The following KITLG variants were observed in gnomAD, a reference collection of about 807,000 sequenced individuals.
The protein encoded by KITLG is KIT ligand.
A neutral mutation model predicts 34.1 loss-of-function variants in KITLG; 13 were observed. The observed-to-expected ratio is 0.38, with a 90% confidence interval of 0.25 to 0.61. The LOEUF (loss-of-function observed/expected upper bound fraction) is 0.61. KITLG is among the 20% of genes least tolerant of loss of function. The pLI is 0.60. For missense variants in KITLG, 292 were observed against 318.9 expected (o/e 0.92, Z 0.64); for synonymous variants, 110 against 104.0 (o/e 1.06, Z -0.35).
chr12:88,524,931 G>A (rs1353823017), intron 3 of KITLG, among the ~76,000 whole-genome samples: 2 of 152,198 alleles, frequency 1.3e-5, no homozygotes, highest in Non-Finnish European at 1.5e-5. Flanking sequence ...CATAGGAGTG[G>A]AGCCTCAGAA....
At chr12:88,534,192 C>T (rs1417019420) in intron 2 of KITLG, among the ~76,000 whole-genome samples, 1 of 152,088 alleles carries the variant, frequency 6.6e-6, no homozygotes, top group African/African-American at 2.4e-5. Flanking sequence ...ACAGCCATCA[C>T]ATGTTAAGTC....
At chr12:88,579,017 T>A (rs968062157) in intron 1 of KITLG, among the ~76,000 whole-genome samples, 1 of 152,166 alleles carries the variant, frequency 6.6e-6, no homozygotes, top group Non-Finnish European at 1.5e-5. Context: ...TCTTTTCTCT[T>A]AGAGAGTGCT....
At chr12:88,569,021 C>T (rs1009311618) in intron 1 of KITLG, among the ~76,000 whole-genome samples, 7 of 152,144 alleles carry the variant, frequency 4.6e-5, no homozygotes, top group African/African-American at 1.4e-4. Context: ...CATGTTCTTT[C>T]CATTTTCTTT....
chr12:88,499,288 A>G (rs1868762943), intron 9 of KITLG, among the ~76,000 whole-genome samples: 1 of 152,196 alleles, frequency 6.6e-6, no homozygotes, highest in Non-Finnish European at 1.5e-5. Flanking sequence ...AAAGAATCAC[A>G]GGTCTTGCTA....
intron 1 of KITLG, 114 bp from the exon 2 acceptor site, chr12:88,545,979 G>A (rs1013191372): frequency 1.2e-5 from 9 of 753,992 alleles, no homozygotes; most frequent in Non-Finnish European, 1.9e-5. Flanking sequence ...ATATGTTATT[G>A]GCTTAAATGC....
At chr12:88,527,002 G>C (rs1030184384) in intron 3 of KITLG, among the ~76,000 whole-genome samples, 2 of 151,802 alleles carry the variant, frequency 1.3e-5, no homozygotes, top group Non-Finnish European at 2.9e-5. Context: ...CTGAGTAGCT[G>C]GGACTACAGG....
At chr12:88,573,208 T>C (rs550917198) in intron 1 of KITLG, among the ~76,000 whole-genome samples, 28 of 152,302 alleles carry the variant, frequency 1.8e-4, no homozygotes, top group Non-Finnish European at 3.4e-4. Flanking sequence ...GCAGTGAACA[T>C]GAATTTTAAC....
intron 6 of KITLG, among the ~76,000 whole-genome samples, chr12:88,508,883 C>T (rs537645267): frequency 6.6e-6 from 1 of 152,210 alleles, no homozygotes; most frequent in African/African-American, 2.4e-5. Flanking sequence ...TACGTGGACT[C>T]GTTTGGGATT....
At chr12:88,557,630 G>A (rs1592583271) in intron 1 of KITLG, among the ~76,000 whole-genome samples, 2 of 152,266 alleles carry the variant, frequency 1.3e-5, no homozygotes, top group South Asian at 2.1e-4. Flanking sequence ...CCATTTCTCA[G>A]ATGCCCTTTA....
At chr12:88,512,730 A>G (rs1169555815) in intron 6 of KITLG, among the ~76,000 whole-genome samples, 3 of 151,856 alleles carry the variant, frequency 2.0e-5, no homozygotes, top group African/African-American at 4.8e-5. Context: ...CAGGAATACT[A>G]TAGTGATATT....
intron 3 of KITLG, among the ~76,000 whole-genome samples, chr12:88,525,359 G>A (rs903868186): frequency 1.3e-5 from 2 of 152,132 alleles, no homozygotes; most frequent in Non-Finnish European, 2.9e-5. Flanking sequence ...AAACTAATAA[G>A]ATGGGCTCCT....
At chr12:88,521,687 G>A (rs1869670687) in intron 3 of KITLG, among the ~76,000 whole-genome samples, 2 of 152,136 alleles carry the variant, frequency 1.3e-5, no homozygotes, top group Non-Finnish European at 2.9e-5. Flanking sequence ...TTAAATTCCT[G>A]ATGTGCATGT....
At chr12:88,516,834 T>C (rs961010868) in intron 4 of KITLG, among the ~76,000 whole-genome samples, 36 of 145,002 alleles carry the variant, frequency 2.5e-4, no homozygotes, top group African/African-American at 9.1e-4. Flanking sequence ...GAACTTCCAG[T>C]CTTTAGAAAA....
chr12:88,500,798 G>C (rs1295445478), intron 9 of KITLG, among the ~76,000 whole-genome samples: 3 of 151,960 alleles, frequency 2.0e-5, no homozygotes, highest in African/African-American at 7.3e-5. Context: ...TTTATATTTT[G>C]AGACCAGGCC....
intron 1 of KITLG, among the ~76,000 whole-genome samples, chr12:88,552,417 T>A (rs1870950771): frequency 6.6e-6 from 1 of 151,754 alleles, no homozygotes. Flanking sequence ...CTTGAACTCC[T>A]GAGCTCAGGT....
intron 3 of KITLG, among the ~76,000 whole-genome samples, chr12:88,523,503 C>A (rs765111162): frequency 3.9e-5 from 6 of 152,328 alleles, no homozygotes; most frequent in South Asian, 2.1e-4. Flanking sequence ...ATTAAGAAAT[C>A]TCTTTGGAAT....
intron 4 of KITLG, among the ~76,000 whole-genome samples, chr12:88,517,267 A>G (rs1592842783): frequency 6.6e-6 from 1 of 152,176 alleles, no homozygotes; most frequent in East Asian, 1.9e-4. Flanking sequence ...TAAAAATGGT[A>G]TGATTAATTG....
At chr12:88,556,524 G>A (rs1202442865) in intron 1 of KITLG, among the ~76,000 whole-genome samples, 1 of 152,154 alleles carries the variant, frequency 6.6e-6, no homozygotes, top group East Asian at 1.9e-4. Flanking sequence ...ACGTTCAACA[G>A]GATATGGAAG....
Position 88,497,053 on chromosome 12 carries a change from A to C in KITLG, c.*166T>G. On this transcript the variant is annotated 3_prime_UTR_variant, in exon 10 of 10. Transcript: ENST00000644744. Reference sequence around the variant, plus strand: ...GTTTCACAGTAAAACATTCTGTTCCAATTTCTGAATCATCCATATAAAGTC... The same window carrying C: ...GTTTCACAGTAAAACATTCTGTTCCCATTTCTGAATCATCCATATAAAGTC... 1 of 358,414 alleles carries C rather than the reference A, an allele frequency of 2.8e-6. No homozygotes were observed. The highest frequency in any genetic ancestry group is 5.6e-6 in the Non-Finnish European group (1 of 179,306). The allele number at this position is 358,414 out of a possible 1,614,324, so 22.2% of individuals were successfully genotyped here. A position where few individuals can be genotyped will look rare whatever the true frequency, so the allele number is the denominator to read the frequency against.
Sources: allele counts gnomAD v4.1 joint callset (sites outside exome capture counted in the v4.1 genomes callset), GRCh38; gene constraint gnomAD v4.1.1; transcripts MANE v1.5; gene names NCBI Gene and HGNC (gene_info 2026-07-23, HGNC 2026-07-21).